CGREF1: variants seen among roughly 807,000 people sequenced by gnomAD.
The protein encoded by CGREF1 is cell growth regulator with EF hand domain protein 1.
A neutral mutation model predicts 17.4 loss-of-function variants in CGREF1; 16 were observed. The observed-to-expected ratio is 0.92, with a 90% CI of 0.62 to 1.40. The LOEUF is 1.40. CGREF1 is among the 40% of genes most tolerant of loss of function. CGREF1 has a pLI of 0.00. For synonymous variants in CGREF1, 142 were observed against 154.6 expected (o/e 0.92, Z 0.61); for missense variants, 296 against 376.4 (o/e 0.79, Z 1.77).
At chr2:27,116,834 G>T (rs1671582417) in intron 1 of CGREF1, among the ~76,000 whole-genome samples, 1 of 147,120 alleles carries the variant, frequency 6.8e-6, no homozygotes, top group African/African-American at 2.5e-5. Flanking sequence ...CTCCCAAAGT[G>T]CTGGGATTAC....
chr2:27,099,367 TGGCTGGGGGGAC>T, downstream of CGREF1: 1 of 1,612,066 alleles, frequency 6.2e-7, no homozygotes, highest in Non-Finnish European at 8.5e-7. Context: ...GCTGGGAGGA[TGGCTGGGGGGAC>T]GGGGTGGGCT....
intron 1 of CGREF1, among the ~76,000 whole-genome samples, chr2:27,108,171 C>T (rs1671209179): frequency 6.6e-6 from 1 of 152,128 alleles, no homozygotes; most frequent in South Asian, 2.1e-4. Flanking sequence ...AGGAGAATCG[C>T]TTGAACCCAG....
intron 1 of CGREF1, among the ~76,000 whole-genome samples, chr2:27,109,614 G>C (rs1395226136): frequency 6.6e-6 from 1 of 151,830 alleles, no homozygotes; most frequent in Non-Finnish European, 1.5e-5. Context: ...GGCTGGGCGC[G>C]GTGGCTCACG....
chr2:27,104,840 T>A (rs75401875), intron 1 of CGREF1: 2 of 1,422,252 alleles, frequency 1.4e-6, no homozygotes, highest in South Asian at 1.6e-5. Context: ...AGAAATGGAC[T>A]GTTTGTGTTT....
chr2:27,100,758 G>A lies in CGREF1; in HGVS notation c.*516C>T, dbSNP rs114062151. The A allele has an allele frequency of 7.0e-4, 822 of 1,167,508 alleles. 4 individuals are homozygous for A. The African/African-American group carries it at 0.011, about 16-fold the overall frequency. The allele number at this position is 1,167,508 out of a possible 1,614,324, so 72.3% of individuals were successfully genotyped here. A position where few individuals can be genotyped will look rare whatever the true frequency, so the allele number is the denominator to read the frequency against. On this transcript the variant is annotated 3_prime_UTR_variant, in exon 6 of 6. Coordinates refer to ENST00000402394, the MANE Select transcript of CGREF1 (RefSeq NM_006569.6). ...TAAAATGCCCAGCATGATGCCTGAT[G>A]TGTACAAGGCTCTCAAAAAGTTCTA... is the stretch of plus-strand genomic sequence containing the variant.
rs373596029 is a variant in CGREF1 at position 27,101,230 on chromosome 2, T to C, written c.*44A>G. 102 of 1,520,132 alleles carry C rather than the reference T, an allele frequency of 6.7e-5. No individual in the cohort carries two copies. Among genetic ancestry groups the C allele is most frequent in the Non-Finnish European group, 8.5e-5 (97 of 1,135,096 alleles). 94.2% of individuals were successfully genotyped at this position (1,520,132 alleles called of 1,614,324 possible). A position where few individuals can be genotyped will look rare whatever the true frequency, so the allele number is the denominator to read the frequency against. The stretch of plus-strand genomic sequence containing the variant: ...TTTCCCCTGCCCACTTCAGGGCTTA[T>C]GTTCTGGCACTGAGACTTCGTGGGG... On this transcript the variant is annotated 3_prime_UTR_variant, in exon 6 of 6. Coordinates refer to ENST00000402394, the MANE Select transcript of CGREF1 (RefSeq NM_006569.6).
At chr2:27,111,755 G>GTT (rs1174603030) in intron 1 of CGREF1, among the ~76,000 whole-genome samples, 15 of 151,924 alleles carry the variant, frequency 9.9e-5, no homozygotes, top group Non-Finnish European at 1.9e-4. Flanking sequence ...CCGGCCGGCA[G>GTT]CTCCGAGTGC....
chr2:27,101,198 G>A lies in CGREF1; in HGVS notation c.*76C>T. The stretch of plus-strand genomic sequence containing the variant: ...GGGCACAGAGATGGTCCTTGTCCCA[G>A]CGTACATTTCCCCTGCCCACTTCAG... On this transcript the variant is annotated 3_prime_UTR_variant, in exon 6 of 6. Coordinates refer to ENST00000402394, the MANE Select transcript of CGREF1 (RefSeq NM_006569.6). The A allele has an allele frequency of 6.6e-7, 1 of 1,506,560 alleles. No homozygotes were observed. Among genetic ancestry groups the A allele is most frequent in the South Asian group, 1.4e-5 (1 of 73,240 alleles). The allele number at this position is 1,506,560 out of a possible 1,614,324, so 93.3% of individuals were successfully genotyped here. A position where few individuals can be genotyped will look rare whatever the true frequency, so the allele number is the denominator to read the frequency against.
At chr2:27,104,652 C>A (rs1671049043) in intron 1 of CGREF1, 1 of 1,550,576 alleles carries the variant, frequency 6.4e-7, no homozygotes, top group Non-Finnish European at 8.7e-7. Context: ...CCCCACGCCC[C>A]ATTCCCTTGC....
chr2:27,101,746 TC>T lies in CGREF1; in HGVS notation c.484del (p.Glu162SerfsTer11). 2 of 1,614,236 alleles carry T rather than the reference TC, an allele frequency of 1.2e-6. No individual in the cohort carries two copies. Among genetic ancestry groups the T allele is most frequent in the Non-Finnish European group, 1.7e-6 (2 of 1,180,038 alleles). On this transcript the variant is annotated frameshift_variant, in exon 6 of 6. Coordinates refer to ENST00000402394, the MANE Select transcript of CGREF1 (RefSeq NM_006569.6). LOFTEE classifies it low-confidence loss of function (END_TRUNC). ...PGEPLAPSPQ[E>X]PQAVGRQSLL... ...GGACTGCCTTCCAACAGCTTGTGGC[TC>T]CTGAGGAGATGGAGCAAGGGGCTCT...
Position 27,101,175 on chromosome 2 carries a change from GCA to G in CGREF1, c.*97_*98del. The G allele has an allele frequency of 3.3e-6, 5 of 1,493,548 alleles. No individual in the cohort carries two copies. The highest frequency in any genetic ancestry group is 2.3e-5 in the East Asian group (1 of 43,480). 92.5% of individuals were successfully genotyped at this position (1,493,548 alleles called of 1,614,324 possible). A position where few individuals can be genotyped will look rare whatever the true frequency, so the allele number is the denominator to read the frequency against. On this transcript the variant is annotated 3_prime_UTR_variant, in exon 6 of 6. Coordinates refer to ENST00000402394, the MANE Select transcript of CGREF1 (RefSeq NM_006569.6). ...GATACCTACTGGGACCAGGCAGGGG[GCA>G]CAGAGATGGTCCTTGTCCCAGCGTA...
rs546926229 is a variant in CGREF1, at chr2:27,106,589, C to G, written c.-11-2212G>C. On this transcript the variant is annotated intron_variant, in intron 1 of 5. Transcript: ENST00000402394. ...AAAAACTCTCCCTGAGACTCTATAA[C>G]AAGCCTGATCTAATGTGGATTTTTT... 7.9e-5 allele frequency among the ~76,000 whole-genome samples: 12 copies of G among 152,292 alleles called. No individual in the cohort carries two copies. The South Asian group carries it at 2.5e-3, about 32-fold the overall frequency.
chr2:27,104,702 A>G (rs1270500523), intron 1 of CGREF1: 22 of 1,549,316 alleles, frequency 1.4e-5, no homozygotes, highest in Non-Finnish European at 1.9e-5. Flanking sequence ...AGTACAGCGC[A>G]AGCATATCTG....
chr2:27,100,914 G>A lies in CGREF1; in HGVS notation c.*360C>T. Reference sequence around the variant, plus strand: ...AGGGATAGACTGAGCTTTCCTCACTGGGTCCTCTGCAGCCGGCCATGGCTA... The same window carrying A: ...AGGGATAGACTGAGCTTTCCTCACTAGGTCCTCTGCAGCCGGCCATGGCTA... On this transcript the variant is annotated 3_prime_UTR_variant, in exon 6 of 6. Transcript: ENST00000402394. 1 of 1,092,688 alleles carries A rather than the reference G, an allele frequency of 9.2e-7. No individual in the cohort carries two copies. Among genetic ancestry groups the A allele is most frequent in the Non-Finnish European group, 1.1e-6 (1 of 897,660 alleles). 67.7% of individuals were successfully genotyped at this position (1,092,688 alleles called of 1,614,324 possible).
chr2:27,116,910 TC>T (rs1558466936), intron 1 of CGREF1, among the ~76,000 whole-genome samples: 3,945 of 117,170 alleles, frequency 0.034, 375 homozygotes, highest in Admixed American at 0.14. Context: ...TCTCTCTCTC[TC>T]TCTCTCTCTC....
downstream of CGREF1, chr2:27,099,381 G>A (rs1247056802): frequency 3.1e-6 from 5 of 1,611,162 alleles, no homozygotes; most frequent in South Asian, 4.4e-5. Context: ...TGGGGGGACG[G>A]GGTGGGCTAA....
chr2:27,101,817 C>T lies in CGREF1; in HGVS notation c.414G>A (p.Glu138=). The change falls in exon 6 of 6, where the codon GAG becomes GAA. Residue 138 remains glutamate (E), a synonymous_variant. Transcript: ENST00000402394. ...LNGDGLMTPA[E]LINFPGVALR... The stretch of plus-strand genomic sequence containing the variant: ...GGGCTACTCCCGGGAAGTTGATGAG[C>T]TCAGCAGGGGTCATGAGCCCATCCC... 12 of 1,614,192 alleles carry T rather than the reference C, an allele frequency of 7.4e-6. No individual in the cohort carries two copies. The highest frequency in any genetic ancestry group is 1.0e-5 in the Non-Finnish European group (12 of 1,180,032).
rs1280547093 is a variant in CGREF1 at position 27,102,358 on chromosome 2, AC to A, written c.217+1del. 1.2e-6 allele frequency: 2 copies of A among 1,614,032 alleles called. No homozygotes were observed. Among genetic ancestry groups the A allele is most frequent in the Middle Eastern group, 1.6e-4 (1 of 6,062 alleles). ...CCTGGCCCCATCAGCCCAGCCCCTC[AC>A]CCTGCTCCCGGCTCAGATGCTCCAG... On this transcript the variant is annotated splice_donor_variant, in intron 4 of 5. Transcript: ENST00000402394. LOFTEE classifies it high-confidence loss of function.
chr2:27,111,922 A>G (rs907838635), intron 1 of CGREF1, among the ~76,000 whole-genome samples: 1 of 152,210 alleles, frequency 6.6e-6, no homozygotes. Context: ...CCCACAGTGC[A>G]ACGGTGGGCT....
Sources: allele counts gnomAD v4.1 joint callset (sites outside exome capture counted in the v4.1 genomes callset), GRCh38; gene constraint gnomAD v4.1.1; transcripts MANE v1.5; gene names NCBI Gene and HGNC (gene_info 2026-07-23, HGNC 2026-07-21).